PTPRT: variants seen among roughly 807,000 people sequenced by gnomAD.
The protein encoded by PTPRT is protein tyrosine phosphatase receptor type T.
PTPRT carries 56 observed loss-of-function variants against 176.8 expected under a neutral mutation model. That is an observed-to-expected ratio of 0.32 (90% confidence interval 0.26 to 0.40). The LOEUF (loss-of-function observed/expected upper bound fraction) is 0.40, where lower values mean the gene tolerates loss of function less well. Ranked by LOEUF, PTPRT falls within the 10% of genes least tolerant of loss-of-function variation. PTPRT has a pLI of 1.00. For missense variants in PTPRT, 1,540 were observed against 1,908.2 expected (o/e 0.81, Z 3.60); for synonymous variants, 783 against 739.0 (o/e 1.06, Z -0.96).
chr20:42,795,086 C>T (rs1006853175), intron 2 of PTPRT, among the ~76,000 whole-genome samples: 1 of 152,016 alleles, frequency 6.6e-6, no homozygotes, highest in Non-Finnish European at 1.5e-5. Context: ...CCAGGGCTGT[C>T]AGTTTCCTGG....
At chr20:43,127,233 C>CTAACATGG (rs1332713927) in intron 1 of PTPRT, among the ~76,000 whole-genome samples, 1 of 152,002 alleles carries the variant, frequency 6.6e-6, no homozygotes, top group Non-Finnish European at 1.5e-5. Flanking sequence ...ACCATCCTGG[C>CTAACATGG]TAACATGGTG....
At chr20:43,177,183 G>A (rs1385849513) in intron 1 of PTPRT, among the ~76,000 whole-genome samples, 1 of 152,172 alleles carries the variant, frequency 6.6e-6, no homozygotes, top group Non-Finnish European at 1.5e-5. Flanking sequence ...ATCAAAGTAG[G>A]ACACAATGAG....
chr20:42,095,181 A>T (rs1410410532), intron 27 of PTPRT, among the ~76,000 whole-genome samples: 1 of 151,994 alleles, frequency 6.6e-6, no homozygotes, highest in Non-Finnish European at 1.5e-5. Context: ...CATTTCAGAA[A>T]CCACTCTTCC....
intron 1 of PTPRT, among the ~76,000 whole-genome samples, chr20:42,889,535 G>C (rs1297142835): frequency 6.6e-6 from 1 of 152,138 alleles, no homozygotes. Flanking sequence ...ACAGAAAATG[G>C]GGACCGTAAG....
At chr20:42,114,113 G>C (rs973165557) in intron 22 of PTPRT, among the ~76,000 whole-genome samples, 17 of 152,218 alleles carry the variant, frequency 1.1e-4, no homozygotes, top group African/African-American at 4.1e-4. Context: ...CCTTAGGCCT[G>C]TGGCCACATT....
intron 1 of PTPRT, among the ~76,000 whole-genome samples, chr20:42,999,544 C>A (rs1266605520): frequency 6.6e-6 from 1 of 151,814 alleles, no homozygotes; most frequent in Non-Finnish European, 1.5e-5. Context: ...CCACTGGAGG[C>A]CAGGGGTTCG....
intron 12 of PTPRT, among the ~76,000 whole-genome samples, chr20:42,302,246 T>C (rs1227865075): frequency 1.3e-5 from 2 of 150,552 alleles, no homozygotes; most frequent in African/African-American, 5.0e-5. Flanking sequence ...GGCAAGACAA[T>C]TTTTTTTTCT....
intron 1 of PTPRT, among the ~76,000 whole-genome samples, chr20:43,044,829 C>A (rs1026995756): frequency 2.0e-5 from 3 of 152,190 alleles, no homozygotes; most frequent in Non-Finnish European, 4.4e-5. Flanking sequence ...ACACAGAATT[C>A]ATTTAACTTG....
At chr20:42,093,304 G>T (rs1183148661) in intron 27 of PTPRT, among the ~76,000 whole-genome samples, 2 of 152,194 alleles carry the variant, frequency 1.3e-5, no homozygotes, top group East Asian at 1.9e-4. Flanking sequence ...AGCATGCTTT[G>T]CTGGCTGGCG....
chr20:42,073,949 C>G lies in PTPRT; in HGVS notation c.*6930G>C, dbSNP rs1982534508. ...GCTGCTGAGATGGGCAGCTTATCCT[C>G]TCTGGCAGACAGCAGGTTCTTCCTT... On this transcript the variant is annotated 3_prime_UTR_variant, in exon 31 of 31. Coordinates refer to ENST00000373187, the MANE Select transcript of PTPRT (RefSeq NM_007050.6). 4.3e-6 allele frequency: 1 copy of G among 230,522 alleles called. No individual in the cohort carries two copies. The highest frequency in any genetic ancestry group is 6.1e-5 in the East Asian group (1 of 16,288). 14.3% of individuals were successfully genotyped at this position (230,522 alleles called of 1,614,324 possible).
At position 43,053,394 on chromosome 20, in the gene PTPRT, G is replaced by A. The variant is rs563099259; in HGVS notation, c.88+136252C>T. The stretch of plus-strand genomic sequence containing the variant: ...CCTACCCCATGCACCAGCTACCCGG[G>A]TGGTTTCTCTAAACACAAATCTGGC... On this transcript the variant is annotated intron_variant, in intron 1 of 30. Coordinates refer to ENST00000373187, the MANE Select transcript of PTPRT (RefSeq NM_007050.6). Among the ~76,000 whole-genome samples the A allele has an allele frequency of 3.3e-5, 5 of 152,272 alleles. No individual in the cohort carries two copies. In the South Asian group the frequency reaches 1.0e-3, roughly 32 times the overall value.
chr20:42,180,637 A>G (rs1000010999), intron 16 of PTPRT, among the ~76,000 whole-genome samples: 2 of 152,198 alleles, frequency 1.3e-5, no homozygotes, highest in Admixed American at 6.5e-5. Context: ...TGTCAGGCAC[A>G]TAGTAGGTGC....
chr20:42,369,153 C>T (rs2058554382), intron 9 of PTPRT, among the ~76,000 whole-genome samples: 1 of 151,906 alleles, frequency 6.6e-6, no homozygotes, highest in Non-Finnish European at 1.5e-5. Context: ...TCCATCCTCC[C>T]TTTCTCACTG....
intron 9 of PTPRT, among the ~76,000 whole-genome samples, chr20:42,410,227 T>C (rs2059000781): frequency 6.6e-6 from 1 of 151,834 alleles, no homozygotes; most frequent in Non-Finnish European, 1.5e-5. Context: ...GAGGAATTAA[T>C]AAAAGAAAAG....
rs574637651 is a variant in PTPRT at position 43,189,040 on chromosome 20, G to A, written c.88+606C>T. Among the ~76,000 whole-genome samples, 11 of 152,354 alleles carry A rather than the reference G, an allele frequency of 7.2e-5. No homozygotes were observed. The highest frequency in any genetic ancestry group is 7.2e-4 in the Admixed American group (11 of 15,314). On this transcript the variant is annotated intron_variant, in intron 1 of 30. Coordinates refer to ENST00000373187, the MANE Select transcript of PTPRT (RefSeq NM_007050.6). The surrounding 1 kb of genome is among the most constrained non-coding windows in gnomAD (Gnocchi z 5.0). ...GGGCGCCCAGCTACCTCGGAGAAAA[G>A]CCAGCGGGTAGGGCGGAGGTATTGC...
the PTPRT span, among the ~76,000 whole-genome samples, chr20:42,040,452 C>A: frequency 1.7e-4 from 26 of 152,110 alleles, no homozygotes; most frequent in Non-Finnish European, 3.5e-4. Context: ...ATATATTGAT[C>A]ATGATAGAGA....
chr20:43,179,099 T>C (rs939932982), intron 1 of PTPRT, among the ~76,000 whole-genome samples: 1 of 152,226 alleles, frequency 6.6e-6, no homozygotes, highest in African/African-American at 2.4e-5. Flanking sequence ...AGAAGTCCAA[T>C]GTCTGGTCAG....
intron 1 of PTPRT, among the ~76,000 whole-genome samples, chr20:42,940,577 C>T (rs1350077102): frequency 6.6e-6 from 1 of 151,686 alleles, no homozygotes; most frequent in African/African-American, 2.4e-5. Context: ...GTGTTAGGCA[C>T]GTGAGTGATA....
At chr20:42,261,193 C>T (rs1056402240) in intron 13 of PTPRT, among the ~76,000 whole-genome samples, 1 of 152,150 alleles carries the variant, frequency 6.6e-6, no homozygotes, top group Non-Finnish European at 1.5e-5. Context: ...TTCTTTGCTT[C>T]TTCCTAGCTT....
Sources: allele counts gnomAD v4.1 joint callset (sites outside exome capture counted in the v4.1 genomes callset), GRCh38; gene constraint gnomAD v4.1.1; non-coding constraint Gnocchi (gnomAD v3.1); transcripts MANE v1.5; gene names NCBI Gene and HGNC (gene_info 2026-07-23, HGNC 2026-07-21).